PZP: variants seen among roughly 807,000 people sequenced by gnomAD.
PZP encodes the protein PZP alpha-2-macroglobulin like.
Under a neutral mutation model 179.8 loss-of-function variants are expected in PZP, and 150 were observed. That is an observed-to-expected ratio of 0.83 (90% CI 0.73 to 0.96). The LOEUF (loss-of-function observed/expected upper bound fraction) is 0.96, where lower values mean the gene tolerates loss of function less well. Ranked by LOEUF, PZP falls within the 40% of genes least tolerant of loss-of-function variation. The pLI is 0.00. For missense variants in PZP, 1,689 were observed against 1,764.0 expected, an observed-to-expected ratio of 0.96 and a Z score of 0.76; for synonymous variants, 624 against 652.3, an observed-to-expected ratio of 0.96 and a Z score of 0.66.
intron 17 of PZP, chr12:9,167,233 GCCCTC>G (rs1036724371): frequency 6.6e-6 from 1 of 152,156 alleles, no homozygotes; most frequent in Non-Finnish European, 1.5e-5. Context: ...TATGTCAAGG[GCCCTC>G]CAACTCCTCC....
At chr12:9,198,478 A>G (rs1442457482) in intron 7 of PZP, among the ~76,000 whole-genome samples, 1 of 152,214 alleles carries the variant, frequency 6.6e-6, no homozygotes, top group Admixed American at 6.5e-5. Context: ...AAATAAGTAC[A>G]TAATAACTAA....
rs754652525 is a variant in PZP, at chr12:9,192,175, G to C, written c.1546+18C>G. ...ATGTGTTAGGGGAGCAAGGAGAGAT[G>C]AATCTGAGGATACTCACTGTCTCCT... On this transcript the variant is annotated intron_variant, in intron 13 of 35. Transcript: ENST00000261336. The C allele has an allele frequency of 1.9e-6, 3 of 1,604,626 alleles. No homozygotes were observed. The African/African-American group carries it at 4.0e-5, about 21-fold the overall frequency.
rs959882720 is a variant in PZP, at chr12:9,181,212, C to T, written c.1690-80G>A. On this transcript the variant is annotated intron_variant, in intron 14 of 35. Transcript: ENST00000261336. ...CAGTCACCTGCATTTCCTAAGCCAC[C>T]CTTATATTCAGTTCATATGACTATG... 1.2e-5 allele frequency: 19 copies of T among 1,568,368 alleles called. No individual in the cohort carries two copies. In the African/African-American group the frequency reaches 1.6e-4, roughly 13 times the overall value.
At chr12:9,186,260 C>T (rs530543112) in intron 13 of PZP, among the ~76,000 whole-genome samples, 2 of 152,122 alleles carry the variant, frequency 1.3e-5, no homozygotes, top group Admixed American at 1.3e-4. Context: ...CAGAAAGAAG[C>T]ACTGAATATA....
intron 7 of PZP, among the ~76,000 whole-genome samples, chr12:9,197,558 A>G (rs1031563864): frequency 4.3e-5 from 5 of 115,582 alleles, no homozygotes; most frequent in African/African-American, 1.7e-4. Flanking sequence ...TTAATAATAT[A>G]TAATGTAATA....
Position 9,157,266 on chromosome 12 carries a change from C to G in PZP, c.3459G>C (p.Lys1153Asn). 1 of 1,614,098 alleles carries G rather than the reference C, an allele frequency of 6.2e-7. No individual in the cohort carries two copies. The highest frequency in any genetic ancestry group is 8.5e-7 in the Non-Finnish European group (1 of 1,179,988). ...GGGAAAAAGCATAGGCCAGCAATGCCTTGGTGTAGACATGGCTCCCATGGG... is the reference window on the plus strand; with the variant it reads ...GGGAAAAAGCATAGGCCAGCAATGCGTTGGTGTAGACATGGCTCCCATGGG... The part of the protein sequence containing the change: ...EGTHGSHVYT[K>N]ALLAYAFSLL... Residue 1153 changes from lysine to asparagine, a missense_variant, in exon 28 of 36, where the codon AAG becomes AAC. Around this residue, in one of 3 missense-constraint regions of PZP, gnomAD observed 746 missense variants for 749.2 expected, o/e 1.00. Coordinates refer to ENST00000261336, the MANE Select transcript of PZP (RefSeq NM_002864.3).
intron 20 of PZP, 46 bp downstream of exon 20, chr12:9,164,087 C>A: frequency 1.3e-6 from 2 of 1,566,156 alleles, no homozygotes; most frequent in South Asian, 2.3e-5. Context: ...CTCAGACAGC[C>A]ACCGTCCTTG....
Position 9,157,754 on chromosome 12 carries a change from A to C in PZP, c.3369+13T>G. The C allele has an allele frequency of 1.2e-6, 2 of 1,609,260 alleles. No individual in the cohort carries two copies. The highest frequency in any genetic ancestry group is 2.2e-5 in the South Asian group (2 of 90,938). On this transcript the variant is annotated intron_variant, in intron 27 of 35. Transcript: ENST00000261336. ...GTTTTCATGGTAGGGAATGGGATTG[A>C]GCTGGTACCTACAGTGACTGGGAGA...
intron 12 of PZP, 55 bp downstream of exon 12, chr12:9,192,457 G>T: frequency 1.3e-6 from 2 of 1,506,774 alleles, no homozygotes; most frequent in South Asian, 1.1e-5. Context: ...TGAGCCTATT[G>T]ACCACTTTTG....
In PZP at chr12:9,157,203, G is replaced by C; in HGVS notation, c.3522C>G (p.Asn1174Lys). The change falls in exon 28 of 36, where the codon AAC becomes AAG. Residue 1174 changes from asparagine (N) to lysine (K), a missense_variant. Transcript: ENST00000261336. Reference protein sequence around the residue: ...GKQNQNREILNSLDKEAVKED... With the variant: ...GKQNQNREILKSLDKEAVKED... ...CTTTCACAGCTTCCTTATCAAGTGA[G>C]TTCAGTATTTCTCTATTCTGATTTT... 6.2e-7 allele frequency: 1 copy of C among 1,613,964 alleles called. No homozygotes were observed. Among genetic ancestry groups the C allele is most frequent in the African/African-American group, 1.3e-5 (1 of 75,032 alleles).
At position 9,163,801 on chromosome 12, in the gene PZP, A is replaced by G. The variant is rs777824453; in HGVS notation, c.2615-12T>C. ...GAAGTTCACATTCCCTAAAACAAGGAATATTGAAAACATGAGTATCCACTT... is the reference window on the plus strand; with the variant it reads ...GAAGTTCACATTCCCTAAAACAAGGGATATTGAAAACATGAGTATCCACTT... On this transcript the variant is annotated splice_polypyrimidine_tract_variant and intron_variant, in intron 20 of 35. Transcript: ENST00000261336. 6.2e-7 allele frequency: 1 copy of G among 1,609,352 alleles called. No individual in the cohort carries two copies. Among genetic ancestry groups the G allele is most frequent in the Admixed American group, 1.7e-5 (1 of 58,946 alleles).
chr12:9,165,143 A>G lies in PZP; in HGVS notation c.2483T>C (p.Ile828Thr), dbSNP rs761923399. 1 of 1,613,376 alleles carries G rather than the reference A, an allele frequency of 6.2e-7. No individual in the cohort carries two copies. The highest frequency in any genetic ancestry group is 8.5e-7 in the Non-Finnish European group (1 of 1,179,384). Residue 828 changes from isoleucine to threonine, a missense_variant, in exon 19 of 36, where the codon ATC becomes ACC. Transcript: ENST00000261336. ...GTTCACCCTCATTTTCCTTACCCGG[A>G]TGCATTTGGGAAGGTAGTTTAGGAC... Reference protein sequence around the residue: ...ATVLNYLPKCIRVSVQLKASP... With the variant: ...ATVLNYLPKCTRVSVQLKASP...
chr12:9,149,468 G>A, intron 35 of PZP, 93 bp downstream of exon 35: 3 of 1,280,538 alleles, frequency 2.3e-6, no homozygotes, highest in East Asian at 2.4e-5. Context: ...TGTCTCAGAT[G>A]TAGGAAAAGC....
At position 9,181,106 on chromosome 12, in the gene PZP, T is replaced by G; in HGVS notation, c.1716A>C (p.Gln572His). The change falls in exon 15 of 36, where the codon CAA becomes CAC. Residue 572 changes from glutamine (Q) to histidine (H), a missense_variant. Physicochemically the swap from Gln to His is conservative, Grantham distance 24 (BLOSUM62 0). Around this residue, in one of 3 missense-constraint regions of PZP, gnomAD observed 742 missense variants for 730.5 expected, o/e 1.02. Coordinates refer to ENST00000261336, the MANE Select transcript of PZP (RefSeq NM_002864.3). ...NKVDLSFSPA[Q>H]SPPASHAHLQ... ...GGTGGGCATGTGAGGCTGGGGGACTTTGTGCTGGGCTGAAGCTCAAATCCA... is the reference window on the plus strand; with the variant it reads ...GGTGGGCATGTGAGGCTGGGGGACTGTGTGCTGGGCTGAAGCTCAAATCCA... 2.5e-6 allele frequency: 4 copies of G among 1,614,114 alleles called. No individual in the cohort carries two copies. Among genetic ancestry groups the G allele is most frequent in the Non-Finnish European group, 3.4e-6 (4 of 1,179,982 alleles).
intron 23 of PZP, 42 bp from the exon 24 acceptor site, chr12:9,160,532 C>A (rs1313790813): frequency 1.3e-6 from 2 of 1,568,524 alleles, no homozygotes; most frequent in Non-Finnish European, 1.7e-6. Flanking sequence ...AATTTCAGTT[C>A]ATAAATAGCC....
chr12:9,149,034 C>G (rs764416754), intron 35 of PZP, 40 bp from the exon 36 acceptor site: 1 of 1,584,028 alleles, frequency 6.3e-7, no homozygotes, highest in African/African-American at 1.3e-5. Flanking sequence ...TGTATCATTT[C>G]CTGAGGAGCA....
chr12:9,141,899 T>C, the PZP span, among the ~76,000 whole-genome samples: 1 of 152,222 alleles, frequency 6.6e-6, no homozygotes, highest in Non-Finnish European at 1.5e-5. Context: ...AGGTCTTACC[T>C]AGCTGCAAAG....
chr12:9,153,185 C>A lies in PZP; in HGVS notation c.3933G>T (p.Leu1311Phe), dbSNP rs371551894. 5.3e-5 allele frequency: 85 copies of A among 1,614,086 alleles called. No homozygotes were observed. The highest frequency in any genetic ancestry group is 7.1e-5 in the Non-Finnish European group (84 of 1,180,038). Reference sequence around the variant, plus strand: ...TGACATATTCTCCAGGGAGCTCTGGCAATGAGATCTGCTGCAGTAATAGGA... The same window carrying A: ...TGACATATTCTCCAGGGAGCTCTGGAAATGAGATCTGCTGCAGTAATAGGA... ...NNLLLLQQIS[L>F]PELPGEYVIT... The change falls in exon 30 of 36, where the codon TTG (leucine) becomes TTT (phenylalanine). Residue 1311 changes from leucine to phenylalanine, a missense_variant. Leu to Phe is a conservative substitution (Grantham distance 22). Transcript: ENST00000261336.
At chr12:9,136,524 T>G in the PZP span, among the ~76,000 whole-genome samples, 1 of 152,168 alleles carries the variant, frequency 6.6e-6, no homozygotes, top group Admixed American at 6.5e-5. Flanking sequence ...TGCATGTGTG[T>G]GTGCATATAT....
Sources: allele counts gnomAD v4.1 joint callset (sites outside exome capture counted in the v4.1 genomes callset), GRCh38; gene constraint gnomAD v4.1.1; regional missense constraint gnomAD v4.1.1; transcripts MANE v1.5; gene names NCBI Gene and HGNC (gene_info 2026-07-23, HGNC 2026-07-21).